The following SELE variants were observed in gnomAD, a reference collection of about 807,000 sequenced individuals.
SELE encodes selectin E.
Under a neutral mutation model 75.8 loss-of-function variants are expected in SELE, and 52 were observed. The ratio of observed to expected loss-of-function variants is 0.69; its 90% CI spans 0.55 to 0.86. SELE has a LOEUF of 0.86. SELE is among the 40% of genes least tolerant of loss of function. SELE has a pLI of 0.00. For synonymous variants in SELE, 285 were observed against 258.7 expected, an observed-to-expected ratio of 1.10 and a Z score of -0.98; for missense variants, 754 against 732.7, an observed-to-expected ratio of 1.03 and a Z score of -0.34.
At chr1:169,731,293 C>G (rs1391264780) in intron 4 of SELE, among the ~76,000 whole-genome samples, 1 of 152,146 alleles carries the variant, frequency 6.6e-6, no homozygotes, top group Non-Finnish European at 1.5e-5. Context: ...GCTAAGGAAT[C>G]TTGGAGAGAA....
At chr1:169,726,377 T>C (rs1179331677) in intron 11 of SELE, among the ~76,000 whole-genome samples, 1 of 152,230 alleles carries the variant, frequency 6.6e-6, no homozygotes, top group African/African-American at 2.4e-5. Context: ...TAAATCTCCT[T>C]AGGAAGAATT....
At chr1:169,733,200 C>T (rs727909) in intron 2 of SELE, among the ~76,000 whole-genome samples, 52,489 of 151,936 alleles carry the variant, frequency 0.35, 9,732 homozygotes, top group East Asian at 0.56. Flanking sequence ...CACTAGGTAC[C>T]TTATCCACAC....
At chr1:169,731,683 C>G in intron 4 of SELE, 152 bp downstream of exon 4, 1 of 564,134 alleles carries the variant, frequency 1.8e-6, no homozygotes, top group Non-Finnish European at 3.2e-6. Context: ...TCAAACCCAG[C>G]AGGGTCTGAC....
Position 169,728,219 on chromosome 1 carries a change from G to T in SELE, c.1118C>A (p.Pro373His), listed in dbSNP as rs762777107. Residue 373 changes from proline to histidine, a missense_variant, in exon 8 of 14, where the codon CCC (proline) becomes CAC (histidine). By Grantham distance (77) the Pro-to-His change is moderately conservative (BLOSUM62 -2). Transcript: ENST00000333360. Reference sequence around the variant, plus strand: ...AAGACAATTCATGTAGCCTCGCTCGGGGTTGGACAAGGCTGTGCACTGGAA... The same window carrying T: ...AAGACAATTCATGTAGCCTCGCTCGTGGTTGGACAAGGCTGTGCACTGGAA... ...EAFQCTALSNPERGYMNCLPS... is the reference protein window; with the variant it reads ...EAFQCTALSNHERGYMNCLPS... The T allele has an allele frequency of 1.9e-6, 3 of 1,614,030 alleles. No homozygotes were observed. The highest frequency in any genetic ancestry group is 2.5e-6 in the Non-Finnish European group (3 of 1,179,988).
Position 169,727,964 on chromosome 1 carries a change from G to T in SELE, c.1280-37C>A, listed in dbSNP as rs368518367. 3.8e-6 allele frequency: 6 copies of T among 1,596,360 alleles called. No individual in the cohort carries two copies. The African/African-American group carries it at 5.4e-5, about 14-fold the overall frequency. Reference sequence around the variant, plus strand: ...GAGAGAGCACTTTAGAAGTTTGTTTGCATCTCCAGCAATACGTTTCCCAAG... The same window carrying T: ...GAGAGAGCACTTTAGAAGTTTGTTTTCATCTCCAGCAATACGTTTCCCAAG... On this transcript the variant is annotated intron_variant, in intron 8 of 13. Transcript: ENST00000333360.
In SELE at chr1:169,731,854, A is replaced by G. The variant is rs764155462; in HGVS notation, c.510T>C (p.Ser170=). 1.2e-5 allele frequency: 19 copies of G among 1,613,252 alleles called. 2 individuals carry two copies. The African/African-American group carries it at 1.9e-4, about 16-fold the overall frequency. The change falls in exon 4 of 14, where the codon AGT becomes AGC. Residue 170 remains serine, a synonymous_variant. Coordinates refer to ENST00000333360, the MANE Select transcript of SELE (RefSeq NM_000450.2). ...ACTTACTTTGCTCACACTTGAGTCC[A>G]CTGAAGCCAGGGTCACACTTGCAAG... ...NYTCKCDPGF[S]GLKCEQIVNC...
Position 169,731,948 on chromosome 1 carries a change from G to A in SELE, c.422-6C>T. Reference sequence around the variant, plus strand: ...GGATGTATTGGTACAGGCAGCTACGGAAAATACAAAGCATGATGAGGAGGA... The same window carrying A: ...GGATGTATTGGTACAGGCAGCTACGAAAAATACAAAGCATGATGAGGAGGA... On this transcript the variant is annotated splice_region_variant and splice_polypyrimidine_tract_variant and intron_variant, in intron 3 of 13. Transcript: ENST00000333360. The A allele has an allele frequency of 6.3e-7, 1 of 1,589,218 alleles. No individual in the cohort carries two copies. The highest frequency in any genetic ancestry group is 8.6e-7 in the Non-Finnish European group (1 of 1,157,648).
intron 7 of SELE, 57 bp from the exon 8 acceptor site, chr1:169,728,303 C>A: frequency 1.9e-6 from 3 of 1,550,328 alleles, no homozygotes; most frequent in South Asian, 2.4e-5. Context: ...GAGTACTTGG[C>A]GTTTGTTGAG....
In SELE at chr1:169,731,920, GC is replaced by G; in HGVS notation, c.443del (p.Cys148SerfsTer8). The G allele has an allele frequency of 6.2e-7, 1 of 1,613,152 alleles. No individual in the cohort carries two copies. The highest frequency in any genetic ancestry group is 8.5e-7 in the Non-Finnish European group (1 of 1,179,200). ...TCTCTACACATTCACCGTGGCCACT[GC>G]AGGATGTATTGGTACAGGCAGCTAC... The part of the protein sequence containing the change: ...CYTAACTNTS[C>X]SGHGECVETI... On this transcript the variant is annotated frameshift_variant, in exon 4 of 14. Transcript: ENST00000333360. LOFTEE classifies it high-confidence loss of function.
At chr1:169,727,242 G>T in intron 10 of SELE, 107 bp downstream of exon 10, 3 of 1,239,958 alleles carry the variant, frequency 2.4e-6, no homozygotes, top group Non-Finnish European at 3.3e-6. Context: ...TTGTCAACCT[G>T]GGCGAACTTT....
intron 13 of SELE, 38 bp downstream of exon 13, chr1:169,725,691 T>C: frequency 6.6e-7 from 1 of 1,522,570 alleles, no homozygotes; most frequent in Non-Finnish European, 9.1e-7. Flanking sequence ...GTAGAGAAGA[T>C]ACCTCTCTCA....
At position 169,726,745 on chromosome 1, in the gene SELE, C is replaced by A; in HGVS notation, c.1707G>T (p.Leu569=). 6.2e-7 allele frequency: 1 copy of A among 1,613,854 alleles called. No individual in the cohort carries two copies. Among genetic ancestry groups the A allele is most frequent in the Non-Finnish European group, 8.5e-7 (1 of 1,179,922 alleles). ...GCCAGAGGAGAAATGGTGCTAATGT[C>A]AGGAGGGAGAGTCCAGCAGCAGAAA... ...AGLSAAGLSL[L]TLAPFLLWLR... The change falls in exon 11 of 14, where the codon CTG becomes CTT. Residue 569 remains leucine, a synonymous_variant. Coordinates refer to ENST00000333360, the MANE Select transcript of SELE (RefSeq NM_000450.2).
chr1:169,725,723 T>A lies in SELE; in HGVS notation c.*15+6A>T, dbSNP rs1648722132. On this transcript the variant is annotated splice_donor_region_variant and intron_variant, in intron 13 of 13. Transcript: ENST00000333360. ...CTCATAACCATTTGTGATTTACAAG[T>A]CTTACCTGATTCTTTTGAACTTAAA... is the stretch of plus-strand genomic sequence containing the variant. The A allele has an allele frequency of 1.2e-6, 2 of 1,610,514 alleles. No homozygotes were observed. The highest frequency in any genetic ancestry group is 1.7e-6 in the Non-Finnish European group (2 of 1,176,846).
intron 3 of SELE, 139 bp downstream of exon 3, chr1:169,732,476 A>G (rs1648937455): frequency 9.6e-7 from 1 of 1,044,540 alleles, no homozygotes; most frequent in Non-Finnish European, 1.4e-6. Flanking sequence ...AAAACAGCAA[A>G]AGAGAGAAAC....
At chr1:169,727,692 A>C (rs1045729553) in intron 9 of SELE, 47 bp downstream of exon 9, 1 of 1,579,820 alleles carries the variant, frequency 6.3e-7, no homozygotes, top group African/African-American at 1.4e-5. Flanking sequence ...CAGAAACTTT[A>C]TGAAGTATTT....
In SELE at chr1:169,729,612, A is replaced by G; in HGVS notation, c.777T>C (p.Pro259=). 4 of 1,614,198 alleles carry G rather than the reference A, an allele frequency of 2.5e-6. No individual in the cohort carries two copies. Among genetic ancestry groups the G allele is most frequent in the Non-Finnish European group, 3.4e-6 (4 of 1,180,020 alleles). Residue 259 remains proline (P), a synonymous_variant, in exon 6 of 14, where the codon CCT becomes CCC. Coordinates refer to ENST00000333360, the MANE Select transcript of SELE (RefSeq NM_000450.2). ...AGGTTGTGTTCCATGGGAAGCTTCC[A>G]GGGTTTTGGAAACATTCCACGAACC... The part of the protein sequence containing the change: ...ANGFVECFQN[P]GSFPWNTTCT...
intron 13 of SELE, among the ~76,000 whole-genome samples, chr1:169,725,388 T>TAA (rs200945630): frequency 6.6e-5 from 9 of 136,540 alleles, no homozygotes; most frequent in Admixed American, 7.2e-5. Context: ...ATCTCAAAAT[T>TAA]AAAAAAAAAA....
intron 4 of SELE, among the ~76,000 whole-genome samples, chr1:169,731,194 A>G (rs915081977): frequency 2.0e-5 from 3 of 152,232 alleles, no homozygotes; most frequent in Non-Finnish European, 4.4e-5. Context: ...TCAAGTACTC[A>G]ATAACCACAT....
rs913773243 is a variant in SELE, at chr1:169,732,056, A to G, written c.422-114T>C. On this transcript the variant is annotated intron_variant, in intron 3 of 13. Transcript: ENST00000333360. ...GACATCAGCAGTCCTACAGAGTGCC[A>G]TAGACTTTAACTGAAGTGTTTTACA... 4.5e-5 allele frequency: 28 copies of G among 616,522 alleles called. 1 individual carries two copies. In the East Asian group the frequency reaches 6.9e-4, roughly 15 times the overall value. 38.2% of individuals were successfully genotyped at this position (616,522 alleles called of 1,614,324 possible).
Sources: gnomAD v4.1 joint callset for allele counts (sites outside exome capture counted in the v4.1 genomes callset) on GRCh38, gnomAD v4.1.1 for gene constraint, MANE v1.5 for transcripts, NCBI Gene and HGNC (gene_info 2026-07-23, HGNC 2026-07-21) for gene names.